The following TNNT3 variants were observed in gnomAD, a reference collection of about 807,000 sequenced individuals.
The protein encoded by TNNT3 is troponin T, fast skeletal muscle.
In TNNT3, 36 loss-of-function variants were observed where a neutral mutation model predicts 54.2. The observed-to-expected ratio is 0.66, with a 90% confidence interval of 0.51 to 0.88. The LOEUF (loss-of-function observed/expected upper bound fraction) is 0.88. Ranked by LOEUF, TNNT3 falls within the 40% of genes least tolerant of loss-of-function variation. The probability of loss-of-function intolerance (pLI) is 0.00; values close to 1 mark genes in which losing one functional copy is unlikely to be tolerated. For missense variants in TNNT3, 291 were observed against 331.6 expected (o/e 0.88, Z 0.95); for synonymous variants, 120 against 109.7 (o/e 1.09, Z -0.59).
At chr11:1,934,721 C>G (rs752137480) in intron 13 of TNNT3, 66 bp downstream of exon 13, 144 of 1,598,964 alleles carry the variant, frequency 9.0e-5, no homozygotes, top group Non-Finnish European at 1.2e-4. Flanking sequence ...CCGACTGCTC[C>G]TCAGGCTGCC....
intron 3 of TNNT3, 55 bp downstream of exon 3, chr11:1,923,116 T>C: frequency 6.2e-7 from 1 of 1,610,356 alleles, no homozygotes; most frequent in South Asian, 1.1e-5. Context: ...AAGGCTCACA[T>C]GTGGGCAGGG....
At chr11:1,923,431 G>A (rs1033452381) in intron 3 of TNNT3, 124 bp from the exon 4 acceptor site, 15 of 1,062,978 alleles carry the variant, frequency 1.4e-5, no homozygotes, top group South Asian at 7.5e-5. Context: ...CTGATTCCAC[G>A]CTCTTGGGCA....
At position 1,919,940 on chromosome 11, in the gene TNNT3, C is replaced by T. The variant is rs1282218720; in HGVS notation, c.-19+178C>T. 5.3e-5 allele frequency among the ~76,000 whole-genome samples: 8 copies of T among 152,310 alleles called. No individual in the cohort carries two copies. In the South Asian group the frequency reaches 8.3e-4, roughly 16 times the overall value. ...CGGAGCCCCCAGGTGGCTGCTCCAG[C>T]GTCCGGAGAGTCTGGGATGCGGACA... On this transcript the variant is annotated intron_variant, in intron 1 of 15. Coordinates refer to ENST00000278317, the MANE Select transcript of TNNT3 (RefSeq NM_006757.4).
chr11:1,935,204 A>G, intron 14 of TNNT3: 1 of 528,106 alleles, frequency 1.9e-6, no homozygotes. Context: ...GTCGTGGCAG[A>G]GCAGCCATGG....
At chr11:1,934,082 C>A in intron 11 of TNNT3, 74 bp downstream of exon 11, 1 of 1,469,002 alleles carries the variant, frequency 6.8e-7, no homozygotes, top group Non-Finnish European at 9.4e-7. Flanking sequence ...GGGGCTGAGG[C>A]CTTCCTTCTC....
At chr11:1,920,650 C>G (rs1247714972) in intron 1 of TNNT3, among the ~76,000 whole-genome samples, 1 of 152,132 alleles carries the variant, frequency 6.6e-6, no homozygotes, top group Non-Finnish European at 1.5e-5. Flanking sequence ...CTTTTGCCTC[C>G]CCACCCTGCC....
intron 15 of TNNT3, chr11:1,938,134 TA>T (rs1855702277): frequency 2.2e-6 from 1 of 450,492 alleles, no homozygotes; most frequent in Non-Finnish European, 4.1e-6. Flanking sequence ...CATTATCTGC[TA>T]AGACAGTCTT....
chr11:1,934,152 T>C, intron 11 of TNNT3, 144 bp downstream of exon 11: 1 of 1,130,082 alleles, frequency 8.8e-7, no homozygotes, highest in Non-Finnish European at 1.3e-6. Context: ...CCCGGCGCCC[T>C]GCAGAACCCC....
chr11:1,923,722 A>T (rs1850737046), intron 4 of TNNT3, 150 bp downstream of exon 4: 2 of 660,064 alleles, frequency 3.0e-6, no homozygotes, highest in Admixed American at 4.4e-5. Context: ...ATCATTAGTC[A>T]CTAACAATCA....
intron 4 of TNNT3, 80 bp downstream of exon 4, chr11:1,923,652 C>A: frequency 9.5e-7 from 1 of 1,050,360 alleles, no homozygotes; most frequent in Non-Finnish European, 1.5e-6. Flanking sequence ...GCTCACAGAA[C>A]CCCCTCCCCA....
chr11:1,936,270 C>T (rs753109448), intron 14 of TNNT3: 125 of 1,613,482 alleles, frequency 7.7e-5, no homozygotes, highest in Middle Eastern at 1.6e-4. Flanking sequence ...TAGCCGGGTC[C>T]GCCCTGGGCC....
rs377446757 is a variant in TNNT3 at position 1,933,944 on chromosome 11, C to A, written c.302C>A (p.Ala101Glu). Residue 101 changes from alanine to glutamate, a missense_variant, in exon 11 of 16, where the codon GCA becomes GAA. Transcript: ENST00000278317. Reference sequence around the variant, plus strand: ...CTCTGGCTGCAGGAGAAGCGCCGTGCAGAGAGAGCGGAGCAGCAGAGGATT... The same window carrying A: ...CTCTGGCTGCAGGAGAAGCGCCGTGAAGAGAGAGCGGAGCAGCAGAGGATT... ...ALKERIEKRR[A>E]ERAEQQRIRA... The A allele has an allele frequency of 9.9e-6, 16 of 1,612,628 alleles. No individual in the cohort carries two copies. The African/African-American group carries it at 2.0e-4, about 20-fold the overall frequency.
At chr11:1,922,786 C>T in intron 1 of TNNT3, 71 bp from the exon 2 acceptor site, 1 of 1,505,334 alleles carries the variant, frequency 6.6e-7, no homozygotes, top group Non-Finnish European at 9.2e-7. Context: ...CATCCCCCAT[C>T]CTACACCCAG....
chr11:1,923,595 G>C (rs201240144), intron 4 of TNNT3, 23 bp downstream of exon 4: 1 of 1,607,928 alleles, frequency 6.2e-7, no homozygotes, highest in East Asian at 2.2e-5. Flanking sequence ...ACCACCGGAA[G>C]CCCCCCCAGC....
intron 11 of TNNT3, 42 bp from the exon 12 acceptor site, chr11:1,934,290 C>T (rs1020884711): frequency 5.7e-6 from 9 of 1,574,870 alleles, no homozygotes; most frequent in African/African-American, 1.3e-5. Flanking sequence ...AAGCATAGCC[C>T]TCTCTCCATC....
At chr11:1,924,519 A>G (rs1398144871) in intron 4 of TNNT3, among the ~76,000 whole-genome samples, 2 of 152,240 alleles carry the variant, frequency 1.3e-5, no homozygotes, top group African/African-American at 2.4e-5. Context: ...CAACGTGAGC[A>G]AAACATTTAT....
intron 9 of TNNT3, 125 bp from the exon 10 acceptor site, chr11:1,933,596 G>C (rs932287056): frequency 2.3e-5 from 17 of 752,106 alleles, no homozygotes; most frequent in Non-Finnish European, 3.8e-5. Flanking sequence ...CCATTTTCAT[G>C]GTGGCCAAGG....
At position 1,934,313 on chromosome 11, in the gene TNNT3, G is replaced by A. The variant is rs1297338153; in HGVS notation, c.367-19G>A. 1 of 1,604,646 alleles carries A rather than the reference G, an allele frequency of 6.2e-7. No individual in the cohort carries two copies. Among genetic ancestry groups the A allele is most frequent in the African/African-American group, 1.3e-5 (1 of 74,718 alleles). On this transcript the variant is annotated intron_variant, in intron 11 of 15. Transcript: ENST00000278317. ...CCCTCTCTCCATCCCTGAGCATCTTGGGAATGGGGTCTCCACAGGAGGAAA... is the reference window on the plus strand; with the variant it reads ...CCCTCTCTCCATCCCTGAGCATCTTAGGAATGGGGTCTCCACAGGAGGAAA...
intron 7 of TNNT3, among the ~76,000 whole-genome samples, 173 bp downstream of exon 7, chr11:1,929,316 G>A (rs778236059): frequency 1.2e-4 from 18 of 152,222 alleles, no homozygotes; most frequent in Admixed American, 6.5e-5. Flanking sequence ...GCACGGTGCC[G>A]CTGGGGTCGA....
Sources: gnomAD v4.1 joint callset for allele counts (sites outside exome capture counted in the v4.1 genomes callset) on GRCh38, gnomAD v4.1.1 for gene constraint, MANE v1.5 for transcripts, NCBI Gene and HGNC (gene_info 2026-07-23, HGNC 2026-07-21) for gene names.